Variants in FNDC3A observed in about 807,000 individuals in gnomAD.
FNDC3A encodes fibronectin type-III domain-containing protein 3A.
FNDC3A carries 32 observed loss-of-function variants against 148.9 expected under a neutral mutation model. The observed-to-expected ratio is 0.21, with a 90% CI of 0.16 to 0.29. The LOEUF is 0.29. FNDC3A is among the 10% of genes least tolerant of loss of function. The pLI, the probability that FNDC3A is intolerant of heterozygous loss-of-function variation, is 1.00. For synonymous variants in FNDC3A, 472 were observed against 473.6 expected (o/e 1.00, Z 0.04); for missense variants, 1,191 against 1,452.8 (o/e 0.82, Z 2.93).
chr13:49,046,696 C>G (rs1392678355), intron 2 of FNDC3A: 1 of 152,698 alleles, frequency 6.5e-6, no homozygotes, highest in Non-Finnish European at 1.5e-5. Flanking sequence ...ACATTTTTTT[C>G]TTGTATAACA....
intron 8 of FNDC3A, among the ~76,000 whole-genome samples, chr13:49,163,486 G>A (rs150471549): frequency 0.015 from 2,358 of 152,284 alleles, 23 homozygotes; most frequent in Middle Eastern, 0.037. Context: ...GAGACCATTG[G>A]AAAAGCACAG....
chr13:49,168,658 T>C lies in FNDC3A; in HGVS notation c.1083T>C (p.Ala361=), dbSNP rs147153850. The part of the protein sequence containing the change: ...YNSIKGTPSE[A]EIFTTLSCEP... ...CTATAAAGGGAACTCCTTCAGAGGC[T>C]GAAATCTTTACCACCTTGAGCTGTG... Residue 361 remains alanine, a synonymous_variant, in exon 10 of 26, where the codon GCT becomes GCC. Transcript: ENST00000492622. The C allele has an allele frequency of 1.8e-4, 292 of 1,612,264 alleles. No homozygotes were observed. In the African/African-American group the frequency reaches 3.7e-3, roughly 21 times the overall value.
intron 6 of FNDC3A, 53 bp downstream of exon 6, chr13:49,136,654 A>G: frequency 6.5e-7 from 1 of 1,536,324 alleles, no homozygotes; most frequent in Admixed American, 1.7e-5. Context: ...TCGTGATTTA[A>G]CCTACTAAAA....
rs1284493040 is a variant in FNDC3A, at chr13:49,183,796, G to C, written c.1618-2168G>C. On this transcript the variant is annotated intron_variant, in intron 14 of 25. Transcript: ENST00000492622. Reference sequence around the variant, plus strand: ...ATTGGACTAAACTTTACTGAGTTCTGATGGGCTCTGTGATTTATTTGGGGT... The same window carrying C: ...ATTGGACTAAACTTTACTGAGTTCTCATGGGCTCTGTGATTTATTTGGGGT... 3.9e-5 allele frequency among the ~76,000 whole-genome samples: 6 copies of C among 152,172 alleles called. No individual in the cohort carries two copies. The East Asian group carries it at 5.8e-4, about 15-fold the overall frequency.
intron 11 of FNDC3A, 43 bp downstream of exon 11, chr13:49,172,139 T>A (rs748130234): frequency 8.2e-7 from 1 of 1,220,904 alleles, no homozygotes; most frequent in Non-Finnish European, 1.2e-6. Context: ...ATTATGTGCA[T>A]ATGTTCAGGC....
rs1032442504 is a variant in FNDC3A at position 49,190,978 on chromosome 13, G to C, written c.1945-37G>C. 9 of 1,428,438 alleles carry C rather than the reference G, an allele frequency of 6.3e-6. No homozygotes were observed. The African/African-American group carries it at 1.1e-4, about 18-fold the overall frequency. The allele number at this position is 1,428,438 out of a possible 1,614,324, so 88.5% of individuals were successfully genotyped here. ...AAAGCAATCTGATTATTTGGTTTTG[G>C]GGCATTTTTGTTTTCTTTTTGCTTT... On this transcript the variant is annotated intron_variant, in intron 17 of 25. Transcript: ENST00000492622.
In FNDC3A at chr13:48,986,116, C is replaced by G. The variant is rs183361768; in HGVS notation, c.-40+9939C>G. ...AAAGTGGGTTAAAGAAGTGAGAATT[C>G]TACCAGTGATTCTTAACCTCTATAA... is the stretch of plus-strand genomic sequence containing the variant. On this transcript the variant is annotated intron_variant, in intron 1 of 25. Coordinates refer to ENST00000492622, the MANE Select transcript of FNDC3A (RefSeq NM_001079673.2). Among the ~76,000 whole-genome samples, 146 of 152,244 alleles carry G rather than the reference C, an allele frequency of 9.6e-4. 1 individual carries two copies. Among genetic ancestry groups the G allele is most frequent in the African/African-American group, 3.4e-3 (140 of 41,530 alleles).
intron 7 of FNDC3A, among the ~76,000 whole-genome samples, chr13:49,144,969 A>G (rs1882911513): frequency 6.6e-6 from 1 of 152,152 alleles, no homozygotes; most frequent in South Asian, 2.1e-4. Context: ...GCAGAATAAT[A>G]TGTTCATAGG....
At chr13:49,139,649 T>G (rs1185034671) in intron 7 of FNDC3A, among the ~76,000 whole-genome samples, 3 of 152,228 alleles carry the variant, frequency 2.0e-5, no homozygotes, top group Non-Finnish European at 4.4e-5. Context: ...GCTCTAGCTT[T>G]CTTTATTCTA....
chr13:49,044,806 A>AT (rs1875233492), intron 2 of FNDC3A: 3 of 416,248 alleles, frequency 7.2e-6, no homozygotes, highest in East Asian at 1.4e-4. Flanking sequence ...TTGCCAGGCC[A>AT]TTTTTTCAAT....
At chr13:49,187,307 A>G (rs1885629288) in intron 16 of FNDC3A, 117 bp downstream of exon 16, 1 of 928,476 alleles carries the variant, frequency 1.1e-6, no homozygotes, top group Non-Finnish European at 1.6e-6. Flanking sequence ...AAGGTACACC[A>G]TAAAAAGATG....
At chr13:49,081,549 G>A (rs1878470623) in intron 3 of FNDC3A, among the ~76,000 whole-genome samples, 1 of 152,164 alleles carries the variant, frequency 6.6e-6, no homozygotes, top group Non-Finnish European at 1.5e-5. Flanking sequence ...TACACATCAT[G>A]TAGGACTTAG....
chr13:49,161,148 G>C (rs889626033), intron 8 of FNDC3A, among the ~76,000 whole-genome samples: 2 of 152,214 alleles, frequency 1.3e-5, no homozygotes, highest in Admixed American at 6.5e-5. Context: ...AGTTGGTGCA[G>C]ACTTGAGTTC....
At chr13:49,100,783 A>G (rs1164611028) in intron 3 of FNDC3A, among the ~76,000 whole-genome samples, 1 of 152,142 alleles carries the variant, frequency 6.6e-6, no homozygotes, top group Non-Finnish European at 1.5e-5. Flanking sequence ...GGGAAATACT[A>G]ACTTAGAACA....
chr13:49,181,896 A>C (rs1445772221), intron 14 of FNDC3A, among the ~76,000 whole-genome samples: 1 of 152,236 alleles, frequency 6.6e-6, no homozygotes, highest in Non-Finnish European at 1.5e-5. Flanking sequence ...CACTGAGGAC[A>C]ATTCTGGGAT....
At chr13:49,091,363 C>T (rs1472071926) in intron 3 of FNDC3A, among the ~76,000 whole-genome samples, 1 of 151,848 alleles carries the variant, frequency 6.6e-6, no homozygotes, top group Non-Finnish European at 1.5e-5. Context: ...AAAACAACTC[C>T]TGGGGCTGTG....
intron 12 of FNDC3A, among the ~76,000 whole-genome samples, chr13:49,175,137 G>GAT (rs2138063502): frequency 6.6e-6 from 1 of 152,208 alleles, no homozygotes; most frequent in Non-Finnish European, 1.5e-5. Flanking sequence ...GATAAATTAT[G>GAT]ATATAAAGGC....
chr13:48,996,223 C>G (rs763483972), intron 1 of FNDC3A, among the ~76,000 whole-genome samples: 4 of 152,104 alleles, frequency 2.6e-5, no homozygotes, highest in Non-Finnish European at 5.9e-5. Flanking sequence ...GTTACATAAT[C>G]TCACCATCTT....
intron 2 of FNDC3A, among the ~76,000 whole-genome samples, chr13:49,007,261 G>A (rs760111996): frequency 3.3e-5 from 5 of 152,188 alleles, no homozygotes; most frequent in Non-Finnish European, 5.9e-5. Context: ...AAAATTAGTA[G>A]CAATTGGCTT....
Sources: gnomAD v4.1 joint callset for allele counts (sites outside exome capture counted in the v4.1 genomes callset) on GRCh38, gnomAD v4.1.1 for gene constraint, MANE v1.5 for transcripts, NCBI Gene and HGNC (gene_info 2026-07-23, HGNC 2026-07-21) for gene names.